Variants in MYH10 observed in about 807,000 individuals in gnomAD.
The protein encoded by MYH10 is myosin heavy chain 10, also known as myosin-10.
A neutral mutation model predicts 257.8 loss-of-function variants in MYH10; 55 were observed. That is an observed-to-expected ratio of 0.21 (90% CI 0.17 to 0.27). The LOEUF (loss-of-function observed/expected upper bound fraction) is 0.27, where lower values mean the gene tolerates loss of function less well. Ranked by LOEUF, MYH10 falls within the 10% of genes least tolerant of loss-of-function variation. The pLI is 1.00. For missense variants in MYH10, 1,631 were observed against 2,500.6 expected, an observed-to-expected ratio of 0.65 and a Z score of 7.42; for synonymous variants, 854 against 921.7, an observed-to-expected ratio of 0.93 and a Z score of 1.33.
Position 8,546,541 on chromosome 17 carries a change from T to C in MYH10, c.1278+3A>G. 6.2e-7 allele frequency: 1 copy of C among 1,610,520 alleles called. No individual in the cohort carries two copies. The highest frequency in any genetic ancestry group is 8.5e-7 in the Non-Finnish European group (1 of 1,177,044). On this transcript the variant is annotated splice_donor_region_variant and intron_variant, in intron 12 of 42. Transcript: ENST00000360416. The stretch of plus-strand genomic sequence containing the variant: ...CAGTAATAACAATGAACATGAAACC[T>C]ACCTGTTCTTTGGTCTGGGCTTTTT...
At chr17:8,567,141 C>A (rs2083189358) in intron 7 of MYH10, among the ~76,000 whole-genome samples, 1 of 152,166 alleles carries the variant, frequency 6.6e-6, no homozygotes, top group Admixed American at 6.5e-5. Flanking sequence ...AAACACAGGG[C>A]ATTTCAGTAG....
intron 3 of MYH10, among the ~76,000 whole-genome samples, chr17:8,591,599 TTTACACATTAAAGA>T (rs2084142443): frequency 6.6e-6 from 1 of 152,210 alleles, no homozygotes; most frequent in Non-Finnish European, 1.5e-5. Context: ...TCGAAAGTAG[TTTACACATTAAAGA>T]AATCAAAGCA....
At position 8,553,989 on chromosome 17, in the gene MYH10, T is replaced by G; in HGVS notation, c.786A>C (p.Val262=). Residue 262 remains valine (V), a synonymous_variant, in exon 8 of 43, where the codon GTA becomes GTC. Coordinates refer to ENST00000360416, the MANE Select transcript of MYH10 (RefSeq NM_001256012.3). ...TGTTGGCCCCAACGATATAGCCAGT[T>G]ACATCAAAGTTGATCCGAATAAATT... ...FGKFIRINFD[V]TGYIVGANIE... is the part of the protein sequence containing the mutation. 1 of 1,613,442 alleles carries G rather than the reference T, an allele frequency of 6.2e-7. No homozygotes were observed. Among genetic ancestry groups the G allele is most frequent in the Non-Finnish European group, 8.5e-7 (1 of 1,179,622 alleles).
intron 38 of MYH10, 95 bp from the exon 39 acceptor site, chr17:8,480,620 C>G: frequency 6.6e-7 from 1 of 1,515,448 alleles, no homozygotes; most frequent in East Asian, 2.4e-5. Flanking sequence ...TTGCTGGAAA[C>G]CTGAGCAGCC....
chr17:8,627,922 C>G (rs2085743984), intron 1 of MYH10, among the ~76,000 whole-genome samples: 4 of 152,228 alleles, frequency 2.6e-5, no homozygotes, highest in African/African-American at 9.6e-5. Flanking sequence ...AGCCCAAGGG[C>G]ACACAGCTAA....
intron 37 of MYH10, 62 bp from the exon 38 acceptor site, chr17:8,481,472 A>C: frequency 6.8e-7 from 1 of 1,465,340 alleles, no homozygotes; most frequent in Non-Finnish European, 9.5e-7. Flanking sequence ...GTGGAATCTG[A>C]CAGTGCCTGG....
chr17:8,520,895 G>A lies in MYH10; in HGVS notation c.2256C>T (p.Phe752=), dbSNP rs2081631880. Residue 752 remains phenylalanine, a synonymous_variant, in exon 19 of 43, where the codon TTC becomes TTT. Coordinates refer to ENST00000360416, the MANE Select transcript of MYH10 (RefSeq NM_001256012.3). The part of the protein sequence containing the change: ...CRQGFPNRIV[F]QEFRQRYEIL... ...AGCAATACCTCTGTCTGAATTCCTG[G>A]AAAACTATTCGGTTAGGGAAGCCCT... The A allele has an allele frequency of 6.2e-7, 1 of 1,611,214 alleles. No homozygotes were observed. Among genetic ancestry groups the A allele is most frequent in the African/African-American group, 1.3e-5 (1 of 74,788 alleles).
chr17:8,623,353 C>A, intron 1 of MYH10, 76 bp from the exon 2 acceptor site: 1 of 1,358,680 alleles, frequency 7.4e-7, no homozygotes, highest in Non-Finnish European at 9.7e-7. Context: ...TTCTAAGAAA[C>A]TTAAAACCTT....
chr17:8,492,931 G>T lies in MYH10; in HGVS notation c.4303C>A (p.Leu1435Met). ...KKKLLKDAEALSQRLEEKALA... is the reference protein window; with the variant it reads ...KKKLLKDAEAMSQRLEEKALA... Reference sequence around the variant, plus strand: ...GCCTTCTCCTCCAGGCGCTGGCTCAGGGCCTCCGCGTCCTTCAGAAGCTTC... The same window carrying T: ...GCCTTCTCCTCCAGGCGCTGGCTCATGGCCTCCGCGTCCTTCAGAAGCTTC... Residue 1435 changes from leucine to methionine, a missense_variant, in exon 33 of 43, where the codon CTG becomes ATG. Leu to Met is a conservative substitution (Grantham distance 15). This residue lies in a region of MYH10 where 463 missense variants were observed against 621.8 expected (regional missense o/e 0.74). Coordinates refer to ENST00000360416, the MANE Select transcript of MYH10 (RefSeq NM_001256012.3). The T allele has an allele frequency of 1.2e-6, 2 of 1,614,074 alleles. No homozygotes were observed. Among genetic ancestry groups the T allele is most frequent in the South Asian group, 1.1e-5 (1 of 91,084 alleles).
intron 6 of MYH10, among the ~76,000 whole-genome samples, chr17:8,573,236 C>G (rs1250451217): frequency 3.3e-5 from 5 of 152,180 alleles, no homozygotes; most frequent in Admixed American, 6.5e-5. Flanking sequence ...ATACCTCTTT[C>G]AAAAGTCCAG....
At position 8,493,819 on chromosome 17, in the gene MYH10, C is replaced by T. The variant is rs1294295962; in HGVS notation, c.4123G>A (p.Glu1375Lys). The change falls in exon 32 of 43, where the codon GAG (glutamate) becomes AAG (lysine). Residue 1375 changes from glutamate (E) to lysine (K), a missense_variant. Transcript: ENST00000360416. ...TGCTGCTCCTGAAGACTGTTCTTCT[C>T]CTCTTCCAGCTGCCGGATCCGACTG... ...LSSRIRQLEE[E>K]KNSLQEQQEE... The T allele has an allele frequency of 6.2e-7, 1 of 1,614,016 alleles. No individual in the cohort carries two copies. Among genetic ancestry groups the T allele is most frequent in the South Asian group, 1.1e-5 (1 of 91,074 alleles).
In MYH10 at chr17:8,492,905, T is replaced by A; in HGVS notation, c.4329A>T (p.Ala1443=). 6.2e-7 allele frequency: 1 copy of A among 1,614,168 alleles called. No homozygotes were observed. Among genetic ancestry groups the A allele is most frequent in the East Asian group, 2.2e-5 (1 of 44,874 alleles). ...TCTTCTCCAGTTTGTCATACGCCAG[T>A]GCCTTCTCCTCCAGGCGCTGGCTCA... ...EALSQRLEEK[A]LAYDKLEKTK... is the part of the protein sequence containing the mutation. Residue 1443 remains alanine (A), a synonymous_variant, in exon 33 of 43, where the codon GCA becomes GCT. Coordinates refer to ENST00000360416, the MANE Select transcript of MYH10 (RefSeq NM_001256012.3).
chr17:8,605,006 AT>A (rs763601004), intron 2 of MYH10, 24 bp from the exon 3 acceptor site: 1 of 1,289,356 alleles, frequency 7.8e-7, no homozygotes, highest in African/African-American at 1.5e-5. Flanking sequence ...AAAATAGAGT[AT>A]TAAAAAAAAA....
In MYH10 at chr17:8,521,054, A is replaced by C. The variant is rs780875120; in HGVS notation, c.2151+38T>G. The C allele has an allele frequency of 6.2e-6, 10 of 1,612,672 alleles. No individual in the cohort carries two copies. In the Admixed American group the frequency reaches 1.7e-4, roughly 27 times the overall value. ...TAATCTTTAGCATCTGACCTAGATC[A>C]GTTTTAAATACTAGCATATGTTTTG... On this transcript the variant is annotated intron_variant, in intron 18 of 42. Transcript: ENST00000360416.
chr17:8,474,879 A>G lies in MYH10; in HGVS notation c.*925T>C, dbSNP rs769168122. 1.3e-5 allele frequency: 2 copies of G among 152,670 alleles called. No individual in the cohort carries two copies. Among genetic ancestry groups the G allele is most frequent in the Non-Finnish European group, 2.9e-5 (2 of 68,058 alleles). 9.5% of individuals were successfully genotyped at this position (152,670 alleles called of 1,614,324 possible). A position where few individuals can be genotyped will look rare whatever the true frequency, so the allele number is the denominator to read the frequency against. ...TGGAACAAGCCTCGGACACAAAACC[A>G]ATATTCCCATTTTGGGCTCAAAGCA... On this transcript the variant is annotated 3_prime_UTR_variant, in exon 43 of 43. Transcript: ENST00000360416.
chr17:8,591,884 T>C (rs537391416), intron 3 of MYH10, among the ~76,000 whole-genome samples: 2 of 152,294 alleles, frequency 1.3e-5, no homozygotes, highest in East Asian at 1.9e-4. Context: ...ACACAGGGGA[T>C]AGGCTTGCCA....
At position 8,492,907 on chromosome 17, in the gene MYH10, C is replaced by A; in HGVS notation, c.4327G>T (p.Ala1443Ser). The change falls in exon 33 of 43, where the codon GCA becomes TCA. Residue 1443 changes from alanine to serine, a missense_variant. Physicochemically the swap from Ala to Ser is moderately conservative, Grantham distance 99. Coordinates refer to ENST00000360416, the MANE Select transcript of MYH10 (RefSeq NM_001256012.3). ...EALSQRLEEK[A>S]LAYDKLEKTK... is the part of the protein sequence containing the mutation. ...TTCTCCAGTTTGTCATACGCCAGTG[C>A]CTTCTCCTCCAGGCGCTGGCTCAGG... The A allele has an allele frequency of 6.2e-7, 1 of 1,614,130 alleles. No individual in the cohort carries two copies. The highest frequency in any genetic ancestry group is 8.5e-7 in the Non-Finnish European group (1 of 1,180,024).
At chr17:8,583,919 C>CAA (rs550375149) in intron 4 of MYH10, among the ~76,000 whole-genome samples, 1 of 152,038 alleles carries the variant, frequency 6.6e-6, no homozygotes, top group Non-Finnish European at 1.5e-5. Context: ...AAAACATAAA[C>CAA]AGAGTATTCT....
chr17:8,597,663 G>A (rs2152064977), intron 3 of MYH10, among the ~76,000 whole-genome samples: 1 of 145,218 alleles, frequency 6.9e-6, no homozygotes, highest in East Asian at 2.0e-4. Flanking sequence ...GCCTGTGCTA[G>A]AATGCAATGG....
Sources: gnomAD v4.1 joint callset for allele counts (sites outside exome capture counted in the v4.1 genomes callset) on GRCh38, gnomAD v4.1.1 for gene constraint, gnomAD v4.1.1 regional missense constraint, MANE v1.5 for transcripts, NCBI Gene and HGNC (gene_info 2026-07-23, HGNC 2026-07-21) for gene names.